Variants in CNST observed in about 807,000 individuals in gnomAD.
CNST encodes the protein consortin.
CNST carries 39 observed loss-of-function variants against 72.4 expected under a neutral mutation model. The observed-to-expected ratio is 0.54, with a 90% CI of 0.42 to 0.70. The LOEUF (loss-of-function observed/expected upper bound fraction) is 0.70, where lower values mean the gene tolerates loss of function less well. CNST is among the 30% of genes least tolerant of loss of function. CNST has a pLI of 0.00. For synonymous variants in CNST, 332 were observed against 320.1 expected (o/e 1.04, Z -0.40); for missense variants, 871 against 868.5 (o/e 1.00, Z -0.04).
At chr1:246,633,187 C>T (rs12728036) in intron 4 of CNST, among the ~76,000 whole-genome samples, 8,605 of 152,240 alleles carry the variant, frequency 0.057, 344 homozygotes, top group Middle Eastern at 0.092. Context: ...CAGTGGCTCA[C>T]ACCTGTAATC....
chr1:246,602,443 T>C (rs1662352635), intron 2 of CNST, among the ~76,000 whole-genome samples: 1 of 152,210 alleles, frequency 6.6e-6, no homozygotes, highest in African/African-American at 2.4e-5. Context: ...CAAGGTCACA[T>C]GGTTCTTGGC....
intron 1 of CNST, among the ~76,000 whole-genome samples, chr1:246,567,865 A>T (rs1659818934): frequency 6.6e-6 from 1 of 152,166 alleles, no homozygotes; most frequent in Non-Finnish European, 1.5e-5. Flanking sequence ...CCCCTTAAAA[A>T]ACATTTTCAT....
intron 3 of CNST, among the ~76,000 whole-genome samples, chr1:246,626,192 G>A (rs1664423962): frequency 6.6e-6 from 1 of 151,954 alleles, no homozygotes; most frequent in Non-Finnish European, 1.5e-5. Flanking sequence ...TGGGACTGCA[G>A]GCGCATGCCA....
At chr1:246,652,378 T>C (rs1666495728) in intron 9 of CNST, among the ~76,000 whole-genome samples, 1 of 152,146 alleles carries the variant, frequency 6.6e-6, no homozygotes, top group Admixed American at 6.5e-5. Context: ...CACATAGAGA[T>C]GAGGTAGCTG....
At chr1:246,628,702 G>A (rs1053068058) in intron 3 of CNST, among the ~76,000 whole-genome samples, 3 of 152,168 alleles carry the variant, frequency 2.0e-5, no homozygotes, top group East Asian at 3.9e-4. Flanking sequence ...CAGAGCCCCC[G>A]TGACCTAATC....
chr1:246,655,757 A>G (rs1207297904), intron 9 of CNST, among the ~76,000 whole-genome samples: 17 of 152,328 alleles, frequency 1.1e-4, no homozygotes, highest in Admixed American at 8.5e-4. Context: ...TTCAAACTCT[A>G]CCAGCTACTG....
At chr1:246,622,808 TTATTG>T (rs1190546571) in intron 3 of CNST, among the ~76,000 whole-genome samples, 3 of 152,080 alleles carry the variant, frequency 2.0e-5, no homozygotes, top group African/African-American at 2.4e-5. Flanking sequence ...ATCTTATTTT[TTATTG>T]TATTGTATTG....
intron 6 of CNST, among the ~76,000 whole-genome samples, chr1:246,638,356 C>G (rs114105329): frequency 3.9e-5 from 6 of 152,176 alleles, no homozygotes; most frequent in East Asian, 1.9e-4. Context: ...GTTTCCAGCC[C>G]GTATAGGATT....
At chr1:246,590,757 G>T (rs1036195124) in intron 1 of CNST, among the ~76,000 whole-genome samples, 11 of 151,798 alleles carry the variant, frequency 7.2e-5, no homozygotes, top group African/African-American at 2.2e-4. Context: ...TAAAGGGCTT[G>T]CAGTCTGTTT....
intron 6 of CNST, among the ~76,000 whole-genome samples, chr1:246,637,125 G>A (rs1220565538): frequency 1.3e-5 from 2 of 152,216 alleles, no homozygotes; most frequent in African/African-American, 4.8e-5. Context: ...CAGCTTGGTA[G>A]AAGAAACTGG....
chr1:246,634,446 A>G (rs1235803141), intron 5 of CNST, 27 bp from the exon 6 acceptor site: 2 of 1,350,336 alleles, frequency 1.5e-6, no homozygotes, highest in Non-Finnish European at 2.1e-6. Flanking sequence ...TATAAGAGCC[A>G]GTGACTAACA....
At chr1:246,596,410 A>T (rs990464361) in intron 2 of CNST, among the ~76,000 whole-genome samples, 2 of 151,924 alleles carry the variant, frequency 1.3e-5, no homozygotes, top group Admixed American at 1.3e-4. Flanking sequence ...AAAAAAAAAA[A>T]GAAAAAGAAA....
At chr1:246,634,438 TA>T in intron 5 of CNST, 34 bp from the exon 6 acceptor site, 2 of 1,283,486 alleles carry the variant, frequency 1.6e-6, no homozygotes, top group Non-Finnish European at 2.2e-6. Flanking sequence ...ATATGTTTTA[TA>T]AGAGCCAGTG....
chr1:246,616,637 C>A (rs372723864), intron 2 of CNST, among the ~76,000 whole-genome samples: 1 of 152,130 alleles, frequency 6.6e-6, no homozygotes, highest in South Asian at 2.1e-4. Context: ...TCCCTGCAAC[C>A]TTCGCCTCCC....
At chr1:246,641,848 A>G (rs1479017170) in intron 7 of CNST, 78 bp downstream of exon 7, 1 of 1,286,040 alleles carries the variant, frequency 7.8e-7, no homozygotes, top group Non-Finnish European at 1.1e-6. Context: ...CTATTTTGGA[A>G]AATGAGGAAA....
intron 9 of CNST, among the ~76,000 whole-genome samples, chr1:246,650,252 T>G (rs185997098): frequency 6.6e-6 from 1 of 152,236 alleles, no homozygotes; most frequent in East Asian, 1.9e-4. Context: ...AAATTACATG[T>G]GTTTAAAGTT....
chr1:246,640,259 A>G (rs1021830505), intron 6 of CNST, among the ~76,000 whole-genome samples: 1 of 152,220 alleles, frequency 6.6e-6, no homozygotes, highest in Non-Finnish European at 1.5e-5. Flanking sequence ...GTTCAGATGG[A>G]CAGAATTGTG....
chr1:246,626,481 G>C (rs1409958603), intron 3 of CNST, among the ~76,000 whole-genome samples: 3 of 100,594 alleles, frequency 3.0e-5, no homozygotes, highest in African/African-American at 1.2e-4. Flanking sequence ...TTTTTGAGAC[G>C]GAGTCTCACT....
Position 246,650,740 on chromosome 1 carries a change from C to T in CNST, c.1836+2703C>T, listed in dbSNP as rs1038539088. Reference sequence around the variant, plus strand: ...TCGCCCAGGCTGGAGTGCAGCGGCACGATCTCAGCTCACTGCAACCTCCAT... The same window carrying T: ...TCGCCCAGGCTGGAGTGCAGCGGCATGATCTCAGCTCACTGCAACCTCCAT... On this transcript the variant is annotated intron_variant, in intron 9 of 10. Coordinates refer to ENST00000366513, the MANE Select transcript of CNST (RefSeq NM_152609.3). Among the ~76,000 whole-genome samples the T allele has an allele frequency of 4.1e-5, 6 of 145,596 alleles. No homozygotes were observed. In the Admixed American group the frequency reaches 4.3e-4, roughly 10 times the overall value.
Sources: allele counts gnomAD v4.1 joint callset (sites outside exome capture counted in the v4.1 genomes callset), GRCh38; gene constraint gnomAD v4.1.1; transcripts MANE v1.5; gene names NCBI Gene and HGNC (gene_info 2026-07-23, HGNC 2026-07-21).